The following AATF variants were observed in gnomAD, a reference collection of about 807,000 sequenced individuals.
AATF encodes the protein apoptosis antagonizing transcription factor.
In AATF, 48 loss-of-function variants were observed where a neutral mutation model predicts 63.7. The observed-to-expected ratio is 0.75, with a 90% CI of 0.60 to 0.96. The LOEUF is 0.96. AATF is among the 40% of genes least tolerant of loss of function. The pLI is 0.00. For synonymous variants in AATF, 258 were observed against 247.7 expected, an observed-to-expected ratio of 1.04 and a Z score of -0.39; for missense variants, 639 against 685.7, an observed-to-expected ratio of 0.93 and a Z score of 0.76.
At chr17:36,979,132 C>G (rs2071101684) in intron 4 of AATF, among the ~76,000 whole-genome samples, 1 of 151,968 alleles carries the variant, frequency 6.6e-6, no homozygotes, top group Admixed American at 6.6e-5. Context: ...CTGACTGGCT[C>G]TCCTCATTTG....
chr17:37,055,725 T>C (rs2071792732), intron 11 of AATF: 1 of 152,318 alleles, frequency 6.6e-6, no homozygotes, highest in Non-Finnish European at 1.5e-5. Context: ...TGCGGCCACG[T>C]GCTACACGCC....
Position 37,053,015 on chromosome 17 carries a change from G to A in AATF, c.1620-3586G>A, listed in dbSNP as rs555487265. 1.1e-4 allele frequency among the ~76,000 whole-genome samples: 17 copies of A among 152,228 alleles called. No individual in the cohort carries two copies. In the East Asian group the frequency reaches 3.3e-3, roughly 29 times the overall value. On this transcript the variant is annotated intron_variant, in intron 11 of 11. Coordinates refer to ENST00000619387, the MANE Select transcript of AATF (RefSeq NM_012138.4). ...GTGTGTGCTGTATAATTCAGAAAGAGCAAAAAGAATCAAGTGGCATTGCTA... is the reference window on the plus strand; with the variant it reads ...GTGTGTGCTGTATAATTCAGAAAGAACAAAAAGAATCAAGTGGCATTGCTA...
At chr17:36,955,963 A>T (rs1335728252) in intron 4 of AATF, among the ~76,000 whole-genome samples, 1 of 152,062 alleles carries the variant, frequency 6.6e-6, no homozygotes, top group Non-Finnish European at 1.5e-5. Flanking sequence ...GGGTCTCACT[A>T]TGTTGACCAG....
intron 8 of AATF, among the ~76,000 whole-genome samples, chr17:37,011,036 A>G (rs1450889814): frequency 1.1e-4 from 17 of 152,220 alleles, no homozygotes; most frequent in Admixed American, 1.1e-3. Context: ...CTCAGGCAAG[A>G]CCATGTCTGT....
intron 1 of AATF, among the ~76,000 whole-genome samples, chr17:36,949,730 C>T (rs2070837855): frequency 6.6e-6 from 1 of 152,214 alleles, no homozygotes; most frequent in Non-Finnish European, 1.5e-5. Flanking sequence ...AGCTGATGTT[C>T]AGAGTCTAGC....
At chr17:36,955,774 T>C (rs1030867265) in intron 4 of AATF, among the ~76,000 whole-genome samples, 1 of 152,198 alleles carries the variant, frequency 6.6e-6, no homozygotes, top group African/African-American at 2.4e-5. Flanking sequence ...TAATTTCTTT[T>C]TGTTATGAGA....
chr17:37,001,395 AGGAG>A (rs71159677), intron 8 of AATF, among the ~76,000 whole-genome samples: 2 of 77,776 alleles, frequency 2.6e-5, no homozygotes, highest in East Asian at 3.6e-4. Flanking sequence ...AAGGTATGGG[AGGAG>A]GGAGGGAGGA....
intron 4 of AATF, among the ~76,000 whole-genome samples, chr17:36,973,536 G>C (rs1267204966): frequency 6.6e-6 from 1 of 152,192 alleles, no homozygotes; most frequent in African/African-American, 2.4e-5. Flanking sequence ...GAAATATGGA[G>C]ATGAATTTGT....
chr17:37,043,570 A>G (rs1313679116), intron 11 of AATF, among the ~76,000 whole-genome samples: 5 of 152,218 alleles, frequency 3.3e-5, no homozygotes, highest in Admixed American at 6.5e-5. Flanking sequence ...CTTAAAAGTC[A>G]AAGAAGTATG....
chr17:37,018,053 G>T (rs570143101), intron 8 of AATF, among the ~76,000 whole-genome samples: 2 of 152,210 alleles, frequency 1.3e-5, no homozygotes, highest in African/African-American at 4.8e-5. Context: ...GTTTATCTTA[G>T]CGTCTTCTCT....
Position 36,989,258 on chromosome 17 carries a change from C to T in AATF, c.1161C>T (p.Ala387=), listed in dbSNP as rs964443158. 1.4e-5 allele frequency: 23 copies of T among 1,612,016 alleles called. No individual in the cohort carries two copies. Among genetic ancestry groups the T allele is most frequent in the Non-Finnish European group, 2.0e-5 (23 of 1,178,848 alleles). Residue 387 remains alanine, a synonymous_variant, in exon 7 of 12, where the codon GCC becomes GCT. Transcript: ENST00000619387. ...TAATGTTGTTGCAGGGTTTTGGTGC[C>T]TTTGAACGCTCAATCTTGACTCAGA... The part of the protein sequence containing the change: ...ASGKLGKGFG[A]FERSILTQID...
At chr17:37,029,427 A>G (rs1236685377) in intron 10 of AATF, among the ~76,000 whole-genome samples, 3 of 151,810 alleles carry the variant, frequency 2.0e-5, no homozygotes, top group Non-Finnish European at 2.9e-5. Flanking sequence ...TATTTTTAGT[A>G]GAGAGAGGGT....
intron 4 of AATF, among the ~76,000 whole-genome samples, chr17:36,983,216 A>AT (rs534328091): frequency 1.0e-3 from 153 of 151,588 alleles, no homozygotes; most frequent in African/African-American, 3.6e-3. Context: ...TAATTTTTGT[A>AT]TTTTTTTGTA....
chr17:36,958,500 A>G (rs565009424), intron 4 of AATF, among the ~76,000 whole-genome samples: 1 of 152,278 alleles, frequency 6.6e-6, no homozygotes, highest in South Asian at 2.1e-4. Context: ...ATTAGGAAAT[A>G]CATCTTTTAT....
chr17:36,953,658 A>C (rs942890142), intron 3 of AATF, 112 bp from the exon 4 acceptor site: 2 of 1,013,842 alleles, frequency 2.0e-6, no homozygotes, highest in African/African-American at 3.2e-5. Flanking sequence ...TTAAACTGCT[A>C]AAGCTGTGGT....
chr17:36,985,659 TCAGCCTCCCAAGTAGCTGGGATTA>T (rs1005490410), intron 4 of AATF, among the ~76,000 whole-genome samples: 1 of 151,960 alleles, frequency 6.6e-6, no homozygotes, highest in African/African-American at 2.4e-5. Context: ...TTCTCCAGCC[TCAGCCTCCCAAGTAGCTGGGATTA>T]CAGCCACCCA....
chr17:36,963,115 CAAACA>C (rs964970128), intron 4 of AATF, among the ~76,000 whole-genome samples: 1 of 152,058 alleles, frequency 6.6e-6, no homozygotes, highest in African/African-American at 2.4e-5. Flanking sequence ...AACTCTGTCT[CAAACA>C]AAACAAAACA....
At chr17:37,046,730 AAC>A (rs58296683) in intron 11 of AATF, among the ~76,000 whole-genome samples, 33,785 of 139,734 alleles carry the variant, frequency 0.24, 3,992 homozygotes, top group Admixed American at 0.31. Flanking sequence ...GTGCTCCCCC[AAC>A]ACACACACAC....
At position 36,968,266 on chromosome 17, in the gene AATF, C is replaced by CTTTTTTTTTTTTTTTTT. The variant is rs2071009164; in HGVS notation, c.832+14362_832+14363insTTTTTTTTTTTTTTTTT. The stretch of plus-strand genomic sequence containing the variant: ...CTTTTTTCTTTTTCTTTCTTTCCTT[C>CTTTTTTTTTTTTTTTTT]TTTCTTTTTTTTTTTTTTTTTTTTT... On this transcript the variant is annotated intron_variant, in intron 4 of 11. Transcript: ENST00000619387. Among the ~76,000 whole-genome samples the CTTTTTTTTTTTTTTTTT allele has an allele frequency of 9.3e-5, 7 of 75,570 alleles. 2 individuals are homozygous for CTTTTTTTTTTTTTTTTT. The highest frequency in any genetic ancestry group is 3.2e-4 in the Admixed American group (2 of 6,264). 49.6% of individuals were successfully genotyped at this position (75,570 alleles called of 152,430 possible). A position where few individuals can be genotyped will look rare whatever the true frequency, so the allele number is the denominator to read the frequency against.
Sources: allele counts gnomAD v4.1 joint callset (sites outside exome capture counted in the v4.1 genomes callset), GRCh38; gene constraint gnomAD v4.1.1; transcripts MANE v1.5; gene names NCBI Gene and HGNC (gene_info 2026-07-23, HGNC 2026-07-21).